The following ARK2C variants were observed in gnomAD, a reference collection of about 807,000 sequenced individuals.
ARK2C encodes the protein E3 ubiquitin-protein ligase ARK2C.
chr18:46,365,102 C>T, the ARK2C span, among the ~76,000 whole-genome samples: 12 of 152,316 alleles, frequency 7.9e-5, no homozygotes, highest in Admixed American at 3.3e-4. Context: ...CCATTCCCTG[C>T]GTCTCTGCCA....
At chr18:46,368,559 A>G in the ARK2C span, among the ~76,000 whole-genome samples, 1 of 152,238 alleles carries the variant, frequency 6.6e-6, no homozygotes, top group Non-Finnish European at 1.5e-5. Flanking sequence ...ATTTAGGGAA[A>G]GCCAGTTGGA....
the ARK2C span, among the ~76,000 whole-genome samples, chr18:46,351,478 T>C: frequency 1.3e-5 from 2 of 152,094 alleles, no homozygotes; most frequent in African/African-American, 4.8e-5. Flanking sequence ...TTGAGCCAAA[T>C]GGTAAGGTTT....
At chr18:46,442,896 T>C in the ARK2C span, among the ~76,000 whole-genome samples, 1 of 152,212 alleles carries the variant, frequency 6.6e-6, no homozygotes, top group Non-Finnish European at 1.5e-5. Context: ...GAAACATCCT[T>C]CCTTATCCTT....
the ARK2C span, among the ~76,000 whole-genome samples, chr18:46,389,655 C>T: frequency 1.8e-4 from 28 of 152,288 alleles, no homozygotes; most frequent in Admixed American, 1.1e-3. Context: ...TGGGCCCACC[C>T]GGGAGCTGTC....
chr18:46,336,343 AATTTT>A, the ARK2C span: 1 of 985,016 alleles, frequency 1.0e-6, no homozygotes, highest in Non-Finnish European at 1.2e-6. Context: ...GCTGCCTTTA[AATTTT>A]ATTTTTAATA....
chr18:46,456,789 C>A, the ARK2C span: 1 of 649,050 alleles, frequency 1.5e-6, no homozygotes, highest in Non-Finnish European at 2.8e-6. Context: ...GTATCGGTGT[C>A]GAGGGAGAGG....
At chr18:46,375,732 G>A in the ARK2C span, among the ~76,000 whole-genome samples, 9 of 152,064 alleles carry the variant, frequency 5.9e-5, no homozygotes, top group African/African-American at 2.2e-4. Flanking sequence ...CCCCATGACA[G>A]GCAAGTTGGA....
chr18:46,389,956 T>C, the ARK2C span, among the ~76,000 whole-genome samples: 1 of 152,182 alleles, frequency 6.6e-6, no homozygotes, highest in Non-Finnish European at 1.5e-5. Context: ...CTTAAACTCC[T>C]GAGCTCAACT....
At chr18:46,419,693 A>C in the ARK2C span, among the ~76,000 whole-genome samples, 2 of 152,196 alleles carry the variant, frequency 1.3e-5, no homozygotes, top group African/African-American at 4.8e-5. Context: ...GAGGCAGGGC[A>C]GTCACAAGGC....
the ARK2C span, among the ~76,000 whole-genome samples, chr18:46,400,872 G>A: frequency 1.3e-5 from 2 of 152,128 alleles, no homozygotes; most frequent in African/African-American, 4.8e-5. Flanking sequence ...TCAGGATCAG[G>A]TCTCGTGCAG....
At chr18:46,460,731 C>G in the ARK2C span, 1 of 152,526 alleles carries the variant, frequency 6.6e-6, no homozygotes. Flanking sequence ...GCAAGCTGTC[C>G]TACCGTGGTG....
the ARK2C span, among the ~76,000 whole-genome samples, chr18:46,363,547 C>T: frequency 1.3e-5 from 2 of 152,186 alleles, no homozygotes; most frequent in Non-Finnish European, 2.9e-5. Flanking sequence ...ATCCCTGATT[C>T]ACCCCTGCAA....
At chr18:46,388,972 T>G in the ARK2C span, among the ~76,000 whole-genome samples, 1 of 152,166 alleles carries the variant, frequency 6.6e-6, no homozygotes, top group Non-Finnish European at 1.5e-5. Context: ...TTATTGGATT[T>G]CTTTAATAGC....
the ARK2C span, among the ~76,000 whole-genome samples, chr18:46,410,611 G>C: frequency 1.3e-5 from 2 of 152,196 alleles, no homozygotes; most frequent in South Asian, 4.1e-4. Context: ...GTTATGACCT[G>C]GAGCCATGCC....
chr18:46,400,322 A>G, the ARK2C span, among the ~76,000 whole-genome samples: 2 of 152,082 alleles, frequency 1.3e-5, no homozygotes, highest in Non-Finnish European at 2.9e-5. Flanking sequence ...CAGGAACCTG[A>G]TTGTTCATTT....
At chr18:46,383,763 C>T in the ARK2C span, among the ~76,000 whole-genome samples, 9 of 151,978 alleles carry the variant, frequency 5.9e-5, no homozygotes, top group Non-Finnish European at 1.3e-4. Context: ...ACCGTGTTGG[C>T]CAGGATGGTC....
the ARK2C span, among the ~76,000 whole-genome samples, chr18:46,359,328 G>A: frequency 6.6e-6 from 1 of 152,174 alleles, no homozygotes; most frequent in Non-Finnish European, 1.5e-5. Flanking sequence ...GACAAAGGGA[G>A]TGTGCAGGCA....
At chr18:46,445,464 A>G in the ARK2C span, among the ~76,000 whole-genome samples, 3 of 152,262 alleles carry the variant, frequency 2.0e-5, no homozygotes, top group South Asian at 2.1e-4. Flanking sequence ...CAACCTACTA[A>G]AATTTCACCC....
chr18:46,400,002 C>A, the ARK2C span, among the ~76,000 whole-genome samples: 14 of 152,328 alleles, frequency 9.2e-5, no homozygotes, highest in Non-Finnish European at 1.6e-4. Flanking sequence ...TGGGGCCACA[C>A]CCCAGGTGTT....
Sources: gnomAD v4.1 joint callset for allele counts (sites outside exome capture counted in the v4.1 genomes callset) on GRCh38, gnomAD v4.1.1 for gene constraint, MANE v1.5 for transcripts, NCBI Gene and HGNC (gene_info 2026-07-23, HGNC 2026-07-21) for gene names.